The following DENND11 variants were observed in gnomAD, a reference collection of about 807,000 sequenced individuals.
DENND11 encodes the protein DENN domain containing 11, also known as DENN domain-containing protein 11.
In DENND11, 34 loss-of-function variants were observed where a neutral mutation model predicts 49.2. The observed-to-expected ratio is 0.69, with a 90% CI of 0.53 to 0.92. DENND11 has a LOEUF of 0.92. DENND11 is among the 40% of genes least tolerant of loss of function. The pLI, the probability that DENND11 is intolerant of heterozygous loss-of-function variation, is 0.00. For synonymous variants in DENND11, 238 were observed against 230.3 expected (o/e 1.03, Z -0.30); for missense variants, 475 against 581.6 (o/e 0.82, Z 1.88).
chr7:141,685,747 C>T (rs949118305), intron 2 of DENND11, 111 bp from the exon 3 acceptor site: 1 of 1,233,354 alleles, frequency 8.1e-7, no homozygotes, highest in Non-Finnish European at 1.1e-6. Flanking sequence ...CAAAGCTCAG[C>T]CTCAAGAAAA....
intron 1 of DENND11, among the ~76,000 whole-genome samples, chr7:141,687,728 A>G (rs11979102): frequency 0.094 from 13,581 of 143,956 alleles, 874 homozygotes; most frequent in Non-Finnish European, 0.14. Flanking sequence ...TCCGCCTCCC[A>G]GGTTCATGCC....
rs1250710317 is a variant in DENND11 at position 141,664,932 on chromosome 7, C to A, written c.1075G>T (p.Glu359Ter). The change falls in exon 7 of 9, where the codon GAG becomes TAG. Residue 359 changes from glutamate to a stop codon, truncating the protein, a stop_gained. Transcript: ENST00000536163. LOFTEE classifies it high-confidence loss of function. ...PLLKINSADR[E>*]KYRRLNEQRQ... Reference sequence around the variant, plus strand: ...TGCTCGTTGAGCCGGCGGTACTTCTCCCTGTCAGCACTGTTGATCTTCAGC... The same window carrying A: ...TGCTCGTTGAGCCGGCGGTACTTCTACCTGTCAGCACTGTTGATCTTCAGC... 1 of 1,613,082 alleles carries A rather than the reference C, an allele frequency of 6.2e-7. No individual in the cohort carries two copies. Among genetic ancestry groups the A allele is most frequent in the Non-Finnish European group, 8.5e-7 (1 of 1,179,538 alleles).
At chr7:141,682,849 T>A (rs977472853) in intron 3 of DENND11, among the ~76,000 whole-genome samples, 40 of 152,108 alleles carry the variant, frequency 2.6e-4, no homozygotes, top group African/African-American at 9.4e-4. Flanking sequence ...CTGTATTGCC[T>A]ACTTGGAGAA....
chr7:141,698,695 C>T (rs1798453224), intron 1 of DENND11, among the ~76,000 whole-genome samples: 1 of 152,136 alleles, frequency 6.6e-6, no homozygotes, highest in Non-Finnish European at 1.5e-5. Flanking sequence ...ATTTCCACAC[C>T]TTAGAGAATC....
At chr7:141,674,351 A>C in intron 3 of DENND11, 131 bp from the exon 4 acceptor site, 1 of 1,366,922 alleles carries the variant, frequency 7.3e-7, no homozygotes, top group East Asian at 2.8e-5. Flanking sequence ...GCCCTGACAT[A>C]CTCCAAAGAT....
chr7:141,669,321 C>T (rs1797942363), intron 4 of DENND11, among the ~76,000 whole-genome samples: 1 of 149,464 alleles, frequency 6.7e-6, no homozygotes, highest in Non-Finnish European at 1.5e-5. Flanking sequence ...TATCTCAGCT[C>T]ACTGCAACCT....
At chr7:141,694,360 A>G (rs940822973) in intron 1 of DENND11, among the ~76,000 whole-genome samples, 6 of 152,058 alleles carry the variant, frequency 3.9e-5, no homozygotes, top group Admixed American at 3.3e-4. Context: ...TCCAGGGCTC[A>G]AATGATCCGC....
intron 5 of DENND11, among the ~76,000 whole-genome samples, chr7:141,665,920 C>T (rs529183554): frequency 2.0e-5 from 3 of 151,976 alleles, no homozygotes; most frequent in East Asian, 3.9e-4. Flanking sequence ...GCTCCTCCTC[C>T]GTCCCCCATC....
chr7:141,661,423 A>G lies in DENND11; in HGVS notation c.*1233T>C, dbSNP rs762604818. 7 of 152,234 alleles carry G rather than the reference A, an allele frequency of 4.6e-5. No homozygotes were observed. Among genetic ancestry groups the G allele is most frequent in the Non-Finnish European group, 8.8e-5 (6 of 68,048 alleles). 9.4% of individuals were successfully genotyped at this position (152,234 alleles called of 1,614,324 possible). On this transcript the variant is annotated 3_prime_UTR_variant, in exon 9 of 9. Coordinates refer to ENST00000536163, the MANE Select transcript of DENND11 (RefSeq NM_001080392.2). ...GACCCAGCCTAGAGCAGAGCACTTC[A>G]GAAGAGGATGGATAAATCCATCAGG...
Position 141,661,847 on chromosome 7 carries a change from C to T in DENND11, c.*809G>A, listed in dbSNP as rs979746238. On this transcript the variant is annotated 3_prime_UTR_variant, in exon 9 of 9. Transcript: ENST00000536163. ...ACTTACTCCAAGAGCATTATTGAAC[C>T]CTTAAGAGACTAAACTGGAAAATTA... is the stretch of plus-strand genomic sequence containing the variant. The T allele has an allele frequency of 2.0e-5, 3 of 152,218 alleles. No individual in the cohort carries two copies. The highest frequency in any genetic ancestry group is 4.4e-5 in the Non-Finnish European group (3 of 68,046). 9.4% of individuals were successfully genotyped at this position (152,218 alleles called of 1,614,324 possible). A position where few individuals can be genotyped will look rare whatever the true frequency, so the allele number is the denominator to read the frequency against.
chr7:141,677,883 T>C (rs1341363020), intron 3 of DENND11, among the ~76,000 whole-genome samples: 2 of 152,136 alleles, frequency 1.3e-5, no homozygotes, highest in African/African-American at 4.8e-5. Context: ...ACAATAATGT[T>C]GAGGACATAA....
chr7:141,674,375 T>C (rs776811860), intron 3 of DENND11, among the ~76,000 whole-genome samples, 155 bp from the exon 4 acceptor site: 3 of 152,106 alleles, frequency 2.0e-5, no homozygotes, highest in Non-Finnish European at 2.9e-5. Context: ...CATTTGGAGG[T>C]TGCTTAGGTC....
Position 141,702,045 on chromosome 7 carries a change from C to T in DENND11, c.109G>A (p.Gly37Ser), listed in dbSNP as rs1317919346. 1.2e-5 allele frequency: 12 copies of T among 998,984 alleles called. No individual in the cohort carries two copies. In the Admixed American group the frequency reaches 2.4e-4, roughly 20 times the overall value. 61.9% of individuals were successfully genotyped at this position (998,984 alleles called of 1,614,324 possible). A position where few individuals can be genotyped will look rare whatever the true frequency, so the allele number is the denominator to read the frequency against. ...TCCGCGGCCGGCCGGGCGCCCCCGC[C>T]GCCGCCCCGGCCCCAGCCTCCCGCC... ...PQAGGWGRGG[G>S]GGARPAAEPP... The change falls in exon 1 of 9, where the codon GGC (glycine) becomes AGC (serine). Residue 37 changes from glycine (G) to serine (S), a missense_variant. Transcript: ENST00000536163.
rs1170240775 is a variant in DENND11 at position 141,657,304 on chromosome 7, G to A, written c.*5352C>T. ...GTCCCTGAAGTCACTCATCCAGGTT[G>A]GCTGCTCAAACACCAAGAATCTCCA... is the stretch of plus-strand genomic sequence containing the variant. On this transcript the variant is annotated 3_prime_UTR_variant, in exon 9 of 9. Coordinates refer to ENST00000536163, the MANE Select transcript of DENND11 (RefSeq NM_001080392.2). 1.3e-5 allele frequency: 2 copies of A among 152,116 alleles called. No individual in the cohort carries two copies. The highest frequency in any genetic ancestry group is 1.3e-4 in the Admixed American group (2 of 15,276). 9.4% of individuals were successfully genotyped at this position (152,116 alleles called of 1,614,324 possible).
chr7:141,669,798 T>C (rs1379589532), intron 4 of DENND11, among the ~76,000 whole-genome samples: 1 of 150,030 alleles, frequency 6.7e-6, no homozygotes, highest in African/African-American at 2.4e-5. Flanking sequence ...TATTATTATA[T>C]CATACATGCT....
intron 1 of DENND11, among the ~76,000 whole-genome samples, chr7:141,688,065 G>C (rs1282273015): frequency 6.6e-6 from 1 of 152,194 alleles, no homozygotes; most frequent in South Asian, 2.1e-4. Context: ...ACAGGTGTGA[G>C]CCACCGCTCT....
Position 141,666,303 on chromosome 7 carries a change from G to A in DENND11, c.804C>T (p.Gly268=), listed in dbSNP as rs374608533. ...RILIFSPPPV[G]VVCYRVYCCC... ...TCTGGTTACCTCTATAGCACACCAC[G>A]CCCACAGGTGGGGGAGAAAATATCA... The change falls in exon 5 of 9, where the codon GGC becomes GGT. Residue 268 remains glycine, a synonymous_variant. Coordinates refer to ENST00000536163, the MANE Select transcript of DENND11 (RefSeq NM_001080392.2). 1.8e-5 allele frequency: 29 copies of A among 1,612,176 alleles called. No individual in the cohort carries two copies. The East Asian group carries it at 2.0e-4, about 11-fold the overall frequency.
rs2117046907 is a variant in DENND11 at position 141,660,124 on chromosome 7, G to A, written c.*2532C>T. 1 of 152,338 alleles carries A rather than the reference G, an allele frequency of 6.6e-6. No individual in the cohort carries two copies. Among genetic ancestry groups the A allele is most frequent in the East Asian group, 1.9e-4 (1 of 5,170 alleles). 9.4% of individuals were successfully genotyped at this position (152,338 alleles called of 1,614,324 possible). A position where few individuals can be genotyped will look rare whatever the true frequency, so the allele number is the denominator to read the frequency against. The stretch of plus-strand genomic sequence containing the variant: ...TCATAGCCCAGGCAAGACATACTCT[G>A]AGGATGCTCAACAGTGGCAAAGGTA... On this transcript the variant is annotated 3_prime_UTR_variant, in exon 9 of 9. Transcript: ENST00000536163.
rs928498157 is a variant in DENND11 at position 141,701,972 on chromosome 7, A to G, written c.182T>C (p.Leu61Pro). 18 of 1,170,868 alleles carry G rather than the reference A, an allele frequency of 1.5e-5. No homozygotes were observed. The highest frequency in any genetic ancestry group is 1.8e-5 in the Non-Finnish European group (17 of 949,554). The allele number at this position is 1,170,868 out of a possible 1,614,324, so 72.5% of individuals were successfully genotyped here. A position where few individuals can be genotyped will look rare whatever the true frequency, so the allele number is the denominator to read the frequency against. The change falls in exon 1 of 9, where the codon CTG becomes CCG. Residue 61 changes from leucine to proline, a missense_variant. Transcript: ENST00000536163. ...CAGCTCCAGGCGCCCGGGCTGCAGCAGCACCTCCGGGGCGGCCGGCTCCTC... is the reference window on the plus strand; with the variant it reads ...CAGCTCCAGGCGCCCGGGCTGCAGCGGCACCTCCGGGGCGGCCGGCTCCTC... The part of the protein sequence containing the change: ...EPEEPAAPEV[L>P]LQPGRLELGD...
Sources: allele counts gnomAD v4.1 joint callset (sites outside exome capture counted in the v4.1 genomes callset), GRCh38; gene constraint gnomAD v4.1.1; transcripts MANE v1.5; gene names NCBI Gene and HGNC (gene_info 2026-07-23, HGNC 2026-07-21).